CDH4: variants seen among roughly 807,000 people sequenced by gnomAD.
CDH4 encodes cadherin 4, also known as cadherin-4.
Under a neutral mutation model 86.0 loss-of-function variants are expected in CDH4, and 33 were observed. The observed-to-expected ratio is 0.38, with a 90% CI of 0.29 to 0.51. The LOEUF is 0.51. Ranked by LOEUF, CDH4 falls within the 20% of genes least tolerant of loss-of-function variation. The pLI is 0.86. For missense variants in CDH4, 1,114 were observed against 1,307.4 expected (o/e 0.85, Z 2.28); for synonymous variants, 555 against 549.4 (o/e 1.01, Z -0.14).
intron 2 of CDH4, among the ~76,000 whole-genome samples, chr20:61,506,341 T>C (rs57468292): frequency 0.034 from 5,233 of 152,354 alleles, 310 homozygotes; most frequent in African/African-American, 0.12. Context: ...GAATGCAATA[T>C]AAATGTTTAA....
At chr20:61,771,772 G>T (rs914622216) in intron 3 of CDH4, among the ~76,000 whole-genome samples, 10 of 152,168 alleles carry the variant, frequency 6.6e-5, no homozygotes, top group South Asian at 4.1e-4. Context: ...TCCAAGACAT[G>T]AACACAGTGT....
intron 2 of CDH4, among the ~76,000 whole-genome samples, chr20:61,416,321 C>T (rs541318908): frequency 5.9e-5 from 9 of 152,270 alleles, no homozygotes; most frequent in East Asian, 1.9e-4. Context: ...TTTAAGGCTG[C>T]GTAACATTCC....
chr20:61,877,748 G>A (rs1984096448), intron 7 of CDH4, among the ~76,000 whole-genome samples: 1 of 152,174 alleles, frequency 6.6e-6, no homozygotes, highest in African/African-American at 2.4e-5. Context: ...GAAACAAGCT[G>A]GTTGATGCAG....
At chr20:61,583,466 GC>G (rs1209359007) in intron 2 of CDH4, among the ~76,000 whole-genome samples, 1 of 152,156 alleles carries the variant, frequency 6.6e-6, no homozygotes, top group African/African-American at 2.4e-5. Context: ...CGCGTTCTGT[GC>G]AGACCATTCC....
chr20:61,674,286 AG>A (rs2087422694), intron 2 of CDH4, among the ~76,000 whole-genome samples: 1 of 152,130 alleles, frequency 6.6e-6, no homozygotes, highest in Non-Finnish European at 1.5e-5. Context: ...AGGTGGAGGG[AG>A]GGGTGCCGAG....
intron 2 of CDH4, among the ~76,000 whole-genome samples, chr20:61,478,201 C>T (rs1035207139): frequency 6.6e-6 from 1 of 152,068 alleles, no homozygotes; most frequent in East Asian, 1.9e-4. Context: ...GGCCCGTGAG[C>T]GTGGAGTGTG....
chr20:61,327,376 G>A (rs1464895598), intron 2 of CDH4, among the ~76,000 whole-genome samples: 4 of 152,194 alleles, frequency 2.6e-5, no homozygotes, highest in Non-Finnish European at 5.9e-5. Context: ...ACTCAATTTG[G>A]TGGAGGTTGG....
chr20:61,758,774 C>T (rs2088596770), intron 3 of CDH4, among the ~76,000 whole-genome samples: 1 of 152,232 alleles, frequency 6.6e-6, no homozygotes, highest in Non-Finnish European at 1.5e-5. Context: ...ACCTGCCCGC[C>T]TCCCCTGCAG....
intron 2 of CDH4, among the ~76,000 whole-genome samples, chr20:61,294,995 C>T (rs770038882): frequency 5.3e-5 from 8 of 152,202 alleles, no homozygotes; most frequent in African/African-American, 1.4e-4. Context: ...AAAGTGAGCC[C>T]GCGAGAATGT....
chr20:61,729,157 C>T (rs574218415), intron 2 of CDH4, among the ~76,000 whole-genome samples: 1 of 152,306 alleles, frequency 6.6e-6, no homozygotes, highest in African/African-American at 2.4e-5. Context: ...CTCACAAGCC[C>T]AGGAGTCCTC....
Position 61,937,142 on chromosome 20 carries a change from C to T in CDH4, c.*199C>T, listed in dbSNP as rs560949662. ...CCTGCACCCGGCCGCTGCCCAGCAC[C>T]GCGCTGGCTGGCACTGAAGGACAGC... On this transcript the variant is annotated 3_prime_UTR_variant, in exon 16 of 16. Transcript: ENST00000614565. The T allele has an allele frequency of 8.1e-5, 32 of 395,068 alleles. No homozygotes were observed. Among genetic ancestry groups the T allele is most frequent in the Middle Eastern group, 1.3e-3 (2 of 1,574 alleles). The allele number at this position is 395,068 out of a possible 1,614,324, so 24.5% of individuals were successfully genotyped here.
rs1981485025 is a variant in CDH4, at chr20:61,829,430, G to C, written c.577-15238G>C. Among the ~76,000 whole-genome samples the C allele has an allele frequency of 6.6e-6, 1 of 152,226 alleles. No individual in the cohort carries two copies. Among genetic ancestry groups the C allele is most frequent in the Non-Finnish European group, 1.5e-5 (1 of 68,044 alleles). On this transcript the variant is annotated intron_variant, in intron 4 of 15. Coordinates refer to ENST00000614565, the MANE Select transcript of CDH4 (RefSeq NM_001794.5). This position sits in a 1 kb window ranked among gnomAD's most constrained non-coding sequence, Gnocchi z 4.2. ...ACAGACACTTGGCGGTTGCACTTTG[G>C]GGCTGTTGTCAGTGTGCTGCCGGGC...
chr20:61,924,289 G>GC, intron 10 of CDH4, 45 bp from the exon 11 acceptor site: 37 of 626,188 alleles, frequency 5.9e-5, no homozygotes, highest in East Asian at 1.1e-4. Flanking sequence ...GGGCAGCCCC[G>GC]CCCACCCCCA....
chr20:61,863,492 C>T (rs779836415), intron 6 of CDH4, among the ~76,000 whole-genome samples: 2 of 152,236 alleles, frequency 1.3e-5, no homozygotes, highest in Non-Finnish European at 2.9e-5. Flanking sequence ...CGTTCCTCGG[C>T]AGAGGGCACA....
intron 7 of CDH4, among the ~76,000 whole-genome samples, chr20:61,890,404 G>A (rs1984767600): frequency 6.6e-6 from 1 of 151,780 alleles, no homozygotes; most frequent in African/African-American, 2.4e-5. Context: ...ATGGGTGGAT[G>A]GATGGATGGA....
At chr20:61,883,067 G>A (rs1480739987) in intron 7 of CDH4, among the ~76,000 whole-genome samples, 1 of 151,972 alleles carries the variant, frequency 6.6e-6, no homozygotes, top group African/African-American at 2.4e-5. Flanking sequence ...ACCCAGAAAT[G>A]AGAAATGAAC....
chr20:61,325,470 C>T (rs753108249), intron 2 of CDH4, among the ~76,000 whole-genome samples: 4 of 151,654 alleles, frequency 2.6e-5, no homozygotes, highest in Non-Finnish European at 4.4e-5. Flanking sequence ...GTAAAGACTG[C>T]ATTTCTTGAG....
At chr20:61,434,481 C>T (rs1020752016) in intron 2 of CDH4, 1 of 152,154 alleles carries the variant, frequency 6.6e-6, no homozygotes, top group African/African-American at 2.4e-5. Flanking sequence ...TCAAAGAAAC[C>T]AGATCGGGTT....
intron 2 of CDH4, among the ~76,000 whole-genome samples, chr20:61,416,066 A>C (rs1180315693): frequency 7.0e-6 from 1 of 143,812 alleles, no homozygotes; most frequent in Non-Finnish European, 1.5e-5. Context: ...AGCTGGCACG[A>C]TCTCAGCTCA....
Sources: gnomAD v4.1 joint callset for allele counts (sites outside exome capture counted in the v4.1 genomes callset) on GRCh38, gnomAD v4.1.1 for gene constraint, Gnocchi (gnomAD v3.1) non-coding constraint, MANE v1.5 for transcripts, NCBI Gene and HGNC (gene_info 2026-07-23, HGNC 2026-07-21) for gene names.